Variants in LIMA1 observed in about 807,000 individuals in gnomAD.
LIMA1 encodes LIM domain and actin binding 1.
Under a neutral mutation model 62.6 loss-of-function variants are expected in LIMA1, and 52 were observed. The observed-to-expected ratio is 0.83, with a 90% CI of 0.67 to 1.05. LIMA1 has a LOEUF of 1.05. Ranked by LOEUF, LIMA1 falls within the 50% of genes least tolerant of loss-of-function variation. The pLI is 0.00. For synonymous variants in LIMA1, 302 were observed against 317.8 expected (o/e 0.95, Z 0.53); for missense variants, 780 against 902.2 (o/e 0.86, Z 1.74).
intron 4 of LIMA1, among the ~76,000 whole-genome samples, chr12:50,220,779 C>T (rs555837301): frequency 6.6e-6 from 1 of 152,290 alleles, no homozygotes; most frequent in Middle Eastern, 3.4e-3. Flanking sequence ...GTTGGCAGGA[C>T]TAAAGGTCTA....
In LIMA1 at chr12:50,178,966, A is replaced by ATTTT. The variant is rs1555203081; in HGVS notation, c.1275-901_1275-898dup. Among the ~76,000 whole-genome samples, 1,002 of 128,952 alleles carry ATTTT rather than the reference A, an allele frequency of 7.8e-3. 12 individuals carry two copies. Among genetic ancestry groups the ATTTT allele is most frequent in the Admixed American group, 0.033 (431 of 13,096 alleles). 84.6% of individuals were successfully genotyped at this position (128,952 alleles called of 152,430 possible). On this transcript the variant is annotated intron_variant, in intron 10 of 10. Coordinates refer to ENST00000341247, the MANE Select transcript of LIMA1 (RefSeq NM_016357.5). ...TATATAAATACATATATATATATATATTTTTTTTTTCTTTTTCTTTTCTTT... is the reference window on the plus strand; with the variant it reads ...TATATAAATACATATATATATATATATTTTTTTTTTTTTTCTTTTTCTTTTCTTT...
intron 1 of LIMA1, among the ~76,000 whole-genome samples, chr12:50,281,285 C>T (rs1459652865): frequency 6.6e-6 from 1 of 152,132 alleles, no homozygotes; most frequent in African/African-American, 2.4e-5. Context: ...CAAAATTATA[C>T]TTAAAAACAT....
intron 3 of LIMA1, among the ~76,000 whole-genome samples, chr12:50,231,039 G>A (rs7136648): frequency 0.66 from 99,734 of 152,084 alleles, 34,700 homozygotes; most frequent in East Asian, 0.9. Context: ...AATGCCATCC[G>A]AATTAAGGAA....
intron 3 of LIMA1, among the ~76,000 whole-genome samples, chr12:50,230,701 C>T (rs1319595508): frequency 1.3e-5 from 2 of 151,930 alleles, no homozygotes; most frequent in Non-Finnish European, 2.9e-5. Flanking sequence ...CTCAGCCTCC[C>T]GAGTAGCTGG....
At chr12:50,206,554 G>T (rs1231817551) in intron 4 of LIMA1, among the ~76,000 whole-genome samples, 2 of 152,098 alleles carry the variant, frequency 1.3e-5, no homozygotes, top group African/African-American at 4.8e-5. Flanking sequence ...ATAATACAAA[G>T]TAATTATCCA....
intron 8 of LIMA1, among the ~76,000 whole-genome samples, chr12:50,193,585 GTATATATGATATATATATACA>G (rs201831639): frequency 0.022 from 2,418 of 108,854 alleles, 72 homozygotes; most frequent in East Asian, 0.082. Flanking sequence ...ATATATACAT[GTATATATGATATATATATACA>G]TGTATATATA....
At chr12:50,259,287 C>T (rs570692997) in intron 1 of LIMA1, among the ~76,000 whole-genome samples, 79 of 152,240 alleles carry the variant, frequency 5.2e-4, no homozygotes, top group South Asian at 4.2e-4. Context: ...ATAAGTCAAT[C>T]CCCCTGCCTT....
intron 1 of LIMA1, among the ~76,000 whole-genome samples, chr12:50,273,874 T>C (rs1942244148): frequency 6.6e-6 from 1 of 152,192 alleles, no homozygotes; most frequent in South Asian, 2.1e-4. Context: ...GTAATTGGGT[T>C]TTAGTTTTGC....
intron 1 of LIMA1, among the ~76,000 whole-genome samples, chr12:50,260,899 A>T (rs974082219): frequency 7.8e-6 from 1 of 128,484 alleles, no homozygotes; most frequent in Non-Finnish European, 1.6e-5. Flanking sequence ...ACACTAGCTG[A>T]GTGATCTTGG....
intron 2 of LIMA1, among the ~76,000 whole-genome samples, chr12:50,233,609 C>T (rs1316686642): frequency 6.6e-6 from 1 of 152,196 alleles, no homozygotes; most frequent in African/African-American, 2.4e-5. Context: ...ACTGCAATCT[C>T]CGCCTCCCGG....
chr12:50,268,316 C>T (rs1275082865), intron 1 of LIMA1, among the ~76,000 whole-genome samples: 1 of 152,160 alleles, frequency 6.6e-6, no homozygotes, highest in Non-Finnish European at 1.5e-5. Flanking sequence ...CCCTCCACCA[C>T]CCAGTCTAGT....
At chr12:50,281,811 G>A (rs1036210086) in intron 1 of LIMA1, among the ~76,000 whole-genome samples, 1 of 152,152 alleles carries the variant, frequency 6.6e-6, no homozygotes, top group African/African-American at 2.4e-5. Context: ...GCAGAAGAGA[G>A]AATTAAAAAA....
chr12:50,231,513 T>C (rs936339465), intron 3 of LIMA1, 152 bp downstream of exon 3: 3 of 750,378 alleles, frequency 4.0e-6, no homozygotes, highest in Admixed American at 2.3e-5. Context: ...CTAAGCCAAG[T>C]TGTCCTGAGC....
intron 10 of LIMA1, among the ~76,000 whole-genome samples, chr12:50,179,783 C>G (rs1052736262): frequency 7.3e-5 from 11 of 151,708 alleles, no homozygotes; most frequent in Non-Finnish European, 7.4e-5. Flanking sequence ...CTCTGTCACC[C>G]AGGCTGGAGT....
intron 1 of LIMA1, among the ~76,000 whole-genome samples, chr12:50,280,844 T>C (rs889383317): frequency 6.6e-6 from 1 of 152,190 alleles, no homozygotes; most frequent in Non-Finnish European, 1.5e-5. Context: ...CACCTGGAGA[T>C]TACTGTATGC....
intron 10 of LIMA1, among the ~76,000 whole-genome samples, chr12:50,180,235 G>A (rs1940465066): frequency 6.6e-6 from 1 of 151,934 alleles, no homozygotes; most frequent in Non-Finnish European, 1.5e-5. Context: ...GGGAGGTGGA[G>A]GTTGCAGTGA....
chr12:50,195,510 C>A, intron 8 of LIMA1: 1 of 221,636 alleles, frequency 4.5e-6, no homozygotes, highest in Non-Finnish European at 8.7e-6. Flanking sequence ...TCCGTATTGG[C>A]CAAACTTCTG....
intron 1 of LIMA1, among the ~76,000 whole-genome samples, chr12:50,251,859 C>A (rs1302150767): frequency 6.6e-6 from 1 of 152,084 alleles, no homozygotes; most frequent in Non-Finnish European, 1.5e-5. Flanking sequence ...TCACCCTGAC[C>A]ACACTTGTCT....
At chr12:50,261,040 A>ATTTTTTTTTTTTTTTT (rs1394809506) in intron 1 of LIMA1, among the ~76,000 whole-genome samples, 1 of 48,896 alleles carries the variant, frequency 2.0e-5, no homozygotes, top group Non-Finnish European at 3.4e-5. Context: ...GCCATCTAGT[A>ATTTTTTTTTTTTTTTT]TATTTTTTTT....
Sources: allele counts gnomAD v4.1 joint callset (sites outside exome capture counted in the v4.1 genomes callset), GRCh38; gene constraint gnomAD v4.1.1; transcripts MANE v1.5; gene names NCBI Gene and HGNC (gene_info 2026-07-23, HGNC 2026-07-21).